BNC2: variants seen among roughly 807,000 people sequenced by gnomAD.
BNC2 encodes basonuclin zinc finger protein 2.
In BNC2, 20 loss-of-function variants were observed where a neutral mutation model predicts 76.3. That is an observed-to-expected ratio of 0.26 (90% CI 0.18 to 0.38). BNC2 has a LOEUF of 0.38. BNC2 is among the 10% of genes least tolerant of loss of function. The pLI is 1.00. For synonymous variants in BNC2, 582 were observed against 514.8 expected, an observed-to-expected ratio of 1.13 and a Z score of -1.77; for missense variants, 1,382 against 1,399.8, an observed-to-expected ratio of 0.99 and a Z score of 0.20.
intron 1 of BNC2, among the ~76,000 whole-genome samples, chr9:16,782,822 C>G (rs938330509): frequency 7.2e-5 from 11 of 152,156 alleles, no homozygotes; most frequent in African/African-American, 2.7e-4. Context: ...ACTATCATTC[C>G]TAGCACATAG....
intron 6 of BNC2, chr9:16,431,398 C>T: frequency 2.2e-6 from 1 of 451,592 alleles, no homozygotes. Context: ...GTAAATTACA[C>T]CCACCAGCTA....
At chr9:16,612,589 C>A (rs1202250716) in intron 3 of BNC2, among the ~76,000 whole-genome samples, 2 of 152,128 alleles carry the variant, frequency 1.3e-5, no homozygotes, top group Admixed American at 6.6e-5. Context: ...CAAATACCTA[C>A]TATGTAGAAA....
intron 4 of BNC2, among the ~76,000 whole-genome samples, chr9:16,565,269 C>A (rs1819136138): frequency 1.3e-5 from 2 of 152,286 alleles, no homozygotes; most frequent in African/African-American, 4.8e-5. Context: ...CACACAAAAT[C>A]CTTAACCTGG....
At chr9:16,727,621 A>G (rs2282071) in intron 3 of BNC2, 176 bp downstream of exon 3, 70,169 of 621,608 alleles carry the variant, frequency 0.11, 7,109 homozygotes, top group East Asian at 0.4. Flanking sequence ...TAGGGAAACC[A>G]TGAAGTAACC....
chr9:16,780,128 A>C (rs201130804), intron 1 of BNC2, among the ~76,000 whole-genome samples: 46 of 143,802 alleles, frequency 3.2e-4, no homozygotes, highest in East Asian at 2.5e-3. Flanking sequence ...CCCAGCTACT[A>C]GGGAGGCTGA....
chr9:16,465,505 T>A (rs1322312148), intron 5 of BNC2, among the ~76,000 whole-genome samples: 1 of 150,278 alleles, frequency 6.7e-6, no homozygotes, highest in East Asian at 2.0e-4. Context: ...TCTGAACAGA[T>A]GCCAACATGC....
intron 3 of BNC2, among the ~76,000 whole-genome samples, chr9:16,689,560 C>T (rs1362124477): frequency 6.6e-6 from 1 of 151,752 alleles, no homozygotes; most frequent in Non-Finnish European, 1.5e-5. Context: ...CAGATCAGTT[C>T]TGAAGTGTAT....
At chr9:16,748,380 G>T (rs1224250478) in intron 1 of BNC2, among the ~76,000 whole-genome samples, 1 of 152,128 alleles carries the variant, frequency 6.6e-6, no homozygotes, top group Non-Finnish European at 1.5e-5. Context: ...GGGCATGGTG[G>T]TACGTGCCAA....
At chr9:16,738,774 G>A (rs541178769) in intron 1 of BNC2, among the ~76,000 whole-genome samples, 1 of 152,038 alleles carries the variant, frequency 6.6e-6, no homozygotes, top group East Asian at 1.9e-4. Context: ...CACTTAATAT[G>A]ACACTTTTAA....
At chr9:16,746,445 C>G (rs984302800) in intron 1 of BNC2, among the ~76,000 whole-genome samples, 6 of 151,958 alleles carry the variant, frequency 3.9e-5, no homozygotes, top group African/African-American at 1.4e-4. Flanking sequence ...CTAACTGCAA[C>G]CTCTGCCTCC....
chr9:16,869,862 GAGATTTCACCTAGGGT>G (rs1819633856), intron 1 of BNC2, among the ~76,000 whole-genome samples: 1 of 152,056 alleles, frequency 6.6e-6, no homozygotes, highest in Admixed American at 6.5e-5. Flanking sequence ...CACTTCACAG[GAGATTTCACCTAGGGT>G]TTTTCAGCAT....
chr9:16,808,474 G>A (rs928247330), intron 1 of BNC2, among the ~76,000 whole-genome samples: 6 of 130,184 alleles, frequency 4.6e-5, no homozygotes, highest in Non-Finnish European at 8.5e-5. Flanking sequence ...TGTGATCTTG[G>A]GCAACTTTTT....
At chr9:16,456,377 G>C (rs1038203428) in intron 5 of BNC2, among the ~76,000 whole-genome samples, 1 of 151,786 alleles carries the variant, frequency 6.6e-6, no homozygotes, top group Non-Finnish European at 1.5e-5. Flanking sequence ...AGATCAAAAA[G>C]GCAAAGTTTA....
intron 4 of BNC2, among the ~76,000 whole-genome samples, chr9:16,574,945 C>A (rs1022108055): frequency 1.3e-5 from 2 of 152,220 alleles, no homozygotes; most frequent in Admixed American, 6.5e-5. Context: ...CCACACCCAA[C>A]TTTTAATCAC....
intron 3 of BNC2, among the ~76,000 whole-genome samples, chr9:16,677,838 T>C (rs560850416): frequency 6.6e-6 from 1 of 152,306 alleles, no homozygotes; most frequent in Admixed American, 6.5e-5. Context: ...AAAAGCTTAA[T>C]CAAGGTTCAA....
chr9:16,586,644 T>G (rs559237649), intron 3 of BNC2, among the ~76,000 whole-genome samples: 82 of 152,230 alleles, frequency 5.4e-4, no homozygotes, highest in African/African-American at 1.8e-3. Context: ...TACAGGTGTT[T>G]CCCATGGCCA....
chr9:16,655,892 T>C (rs1034290760), intron 3 of BNC2, among the ~76,000 whole-genome samples: 1 of 152,138 alleles, frequency 6.6e-6, no homozygotes, highest in African/African-American at 2.4e-5. Context: ...CTCAGTACTG[T>C]TCTAGAAGCC....
At chr9:16,807,340 T>C (rs186274226) in intron 1 of BNC2, among the ~76,000 whole-genome samples, 478 of 152,344 alleles carry the variant, frequency 3.1e-3, no homozygotes, top group Non-Finnish European at 5.1e-3. Context: ...ACAAGGTTTA[T>C]AGGACAGAAA....
At chr9:16,691,717 G>T (rs548694593) in intron 3 of BNC2, among the ~76,000 whole-genome samples, 383 of 151,742 alleles carry the variant, frequency 2.5e-3, no homozygotes, top group Non-Finnish European at 4.6e-3. Flanking sequence ...CACCACGTTA[G>T]CCAGGATGGT....
Sources: allele counts gnomAD v4.1 joint callset (sites outside exome capture counted in the v4.1 genomes callset), GRCh38; gene constraint gnomAD v4.1.1; transcripts MANE v1.5; gene names NCBI Gene and HGNC (gene_info 2026-07-23, HGNC 2026-07-21).